The following ALK variants were observed in gnomAD, a reference collection of about 807,000 sequenced individuals.
The protein encoded by ALK is ALK receptor tyrosine kinase.
Under a neutral mutation model 163.1 loss-of-function variants are expected in ALK, and 74 were observed. That is an observed-to-expected ratio of 0.45 (90% CI 0.38 to 0.55). The LOEUF (loss-of-function observed/expected upper bound fraction) is 0.55, where lower values mean the gene tolerates loss of function less well. Among genes scored for constraint, ALK ranks in the 20% least tolerant of loss-of-function variants. ALK has a pLI of 0.00. For missense variants in ALK, 2,063 were observed against 2,105.3 expected (o/e 0.98, Z 0.39); for synonymous variants, 960 against 843.2 (o/e 1.14, Z -2.40).
At chr2:29,229,342 A>G (rs1389522426) in intron 15 of ALK, among the ~76,000 whole-genome samples, 3 of 152,208 alleles carry the variant, frequency 2.0e-5, no homozygotes, top group Non-Finnish European at 4.4e-5. Flanking sequence ...GCTCAAAAGC[A>G]GGGGCTGTGC....
intron 5 of ALK, among the ~76,000 whole-genome samples, chr2:29,349,866 C>A (rs879899718): frequency 2.0e-5 from 3 of 152,236 alleles, no homozygotes; most frequent in African/African-American, 4.8e-5. Context: ...GAACCAGGAC[C>A]TGCTGGGTCC....
At chr2:29,721,698 G>A (rs867358040) in intron 1 of ALK, among the ~76,000 whole-genome samples, 20 of 152,128 alleles carry the variant, frequency 1.3e-4, no homozygotes, top group Non-Finnish European at 1.5e-4. Flanking sequence ...TGCTAGTCTC[G>A]TCTCTTCTCA....
chr2:29,359,288 T>G (rs4146674), intron 5 of ALK, among the ~76,000 whole-genome samples: 119,577 of 152,078 alleles, frequency 0.79, 47,308 homozygotes, highest in East Asian at 0.94. Context: ...TTGAAGAGGG[T>G]ATTATTCAGG....
At chr2:29,723,802 G>A (rs1163081047) in intron 1 of ALK, among the ~76,000 whole-genome samples, 1 of 152,158 alleles carries the variant, frequency 6.6e-6, no homozygotes, top group Non-Finnish European at 1.5e-5. Flanking sequence ...CTCTGTTTTA[G>A]AATCCAAAAT....
intron 3 of ALK, among the ~76,000 whole-genome samples, chr2:29,588,933 T>C (rs911194376): frequency 8.5e-5 from 13 of 152,224 alleles, no homozygotes; most frequent in African/African-American, 3.1e-4. Context: ...CCTTACTGAA[T>C]GCATTGGGTA....
In ALK at chr2:29,792,878, C is replaced by G. The variant is rs1664222113; in HGVS notation, c.668-75181G>C. 2.6e-5 allele frequency among the ~76,000 whole-genome samples: 4 copies of G among 152,250 alleles called. No individual in the cohort carries two copies. In the South Asian group the frequency reaches 8.3e-4, roughly 32 times the overall value. On this transcript the variant is annotated intron_variant, in intron 1 of 28. Coordinates refer to ENST00000389048, the MANE Select transcript of ALK (RefSeq NM_004304.5). The stretch of plus-strand genomic sequence containing the variant: ...ATCTGGGTCTTTGGTGAGTCATAAT[C>G]TTTTTGCTGATGGAGGGTCTTGCCT...
intron 1 of ALK, among the ~76,000 whole-genome samples, chr2:29,827,961 A>G (rs1665247553): frequency 6.6e-6 from 1 of 152,248 alleles, no homozygotes; most frequent in Non-Finnish European, 1.5e-5. Context: ...ACTGGTACCA[A>G]AACAGAGATA....
intron 4 of ALK, among the ~76,000 whole-genome samples, chr2:29,486,455 G>A (rs1671778896): frequency 1.3e-5 from 2 of 152,088 alleles, no homozygotes; most frequent in African/African-American, 2.4e-5. Flanking sequence ...GAACCTTTCT[G>A]ATAATGTTCT....
intron 11 of ALK, among the ~76,000 whole-genome samples, chr2:29,253,838 T>C (rs1664881586): frequency 6.9e-6 from 1 of 144,186 alleles, no homozygotes; most frequent in Admixed American, 7.0e-5. Context: ...AATACATATA[T>C]CTATATTAGA....
chr2:29,692,107 C>A (rs982535823), intron 3 of ALK, among the ~76,000 whole-genome samples: 2 of 152,126 alleles, frequency 1.3e-5, no homozygotes, highest in Admixed American at 6.5e-5. Context: ...TCAGAATCAT[C>A]CAAGAAACTT....
chr2:29,396,505 C>G (rs1042614490), intron 4 of ALK, among the ~76,000 whole-genome samples: 3 of 152,118 alleles, frequency 2.0e-5, no homozygotes, highest in Non-Finnish European at 4.4e-5. Flanking sequence ...GAAACCCTGT[C>G]TCTACTAAAA....
At chr2:29,691,105 C>A (rs1678382018) in intron 3 of ALK, among the ~76,000 whole-genome samples, 1 of 152,200 alleles carries the variant, frequency 6.6e-6, no homozygotes. Flanking sequence ...CAATAGGCTG[C>A]TTCATGAGGA....
chr2:29,571,911 A>G (rs7576267), intron 3 of ALK, among the ~76,000 whole-genome samples: 144,347 of 152,010 alleles, frequency 0.95, 68,937 homozygotes, highest in Non-Finnish European at 1. Flanking sequence ...AGAGCACCCC[A>G]CTGGCAAGTA....
Position 29,595,319 on chromosome 2 carries a change from A to ATTTT in ALK, c.953-63207_953-63204dup, listed in dbSNP as rs10641464. ...TCACTGAGATCTGCTGTCTTACTGG[A>ATTTT]TTTTTTTTTTTTTTTTTTTTTGAGA... On this transcript the variant is annotated intron_variant, in intron 3 of 28. Transcript: ENST00000389048. Among the ~76,000 whole-genome samples the ATTTT allele has an allele frequency of 4.9e-3, 602 of 123,950 alleles. 8 individuals are homozygous for ATTTT. The highest frequency in any genetic ancestry group is 0.02 in the South Asian group (77 of 3,804). 81.3% of individuals were successfully genotyped at this position (123,950 alleles called of 152,430 possible).
chr2:29,351,228 C>T (rs1213666986), intron 5 of ALK, among the ~76,000 whole-genome samples: 1 of 152,086 alleles, frequency 6.6e-6, no homozygotes, highest in East Asian at 1.9e-4. Flanking sequence ...CTTTTGGGAT[C>T]TTATATTTTT....
intron 3 of ALK, among the ~76,000 whole-genome samples, chr2:29,571,912 C>T (rs1238054037): frequency 1.3e-5 from 2 of 152,168 alleles, no homozygotes; most frequent in Non-Finnish European, 2.9e-5. Flanking sequence ...GAGCACCCCA[C>T]TGGCAAGTAC....
At chr2:29,725,305 C>G (rs760624456) in intron 1 of ALK, among the ~76,000 whole-genome samples, 7 of 152,148 alleles carry the variant, frequency 4.6e-5, no homozygotes, top group Non-Finnish European at 8.8e-5. Context: ...TCCCATTACT[C>G]CTTAGTCTCC....
At chr2:29,795,791 G>A (rs1664293391) in intron 1 of ALK, among the ~76,000 whole-genome samples, 1 of 152,018 alleles carries the variant, frequency 6.6e-6, no homozygotes, top group Non-Finnish European at 1.5e-5. Context: ...TATCTTTGGT[G>A]GGTAGTATTA....
At chr2:29,755,224 C>CGCAAAGGG (rs1452580603) in intron 1 of ALK, among the ~76,000 whole-genome samples, 2 of 152,250 alleles carry the variant, frequency 1.3e-5, no homozygotes, top group Non-Finnish European at 2.9e-5. Flanking sequence ...TAGTCAGAAA[C>CGCAAAGGG]ACCTCAACCC....
Sources: allele counts gnomAD v4.1 joint callset (sites outside exome capture counted in the v4.1 genomes callset), GRCh38; gene constraint gnomAD v4.1.1; transcripts MANE v1.5; gene names NCBI Gene and HGNC (gene_info 2026-07-23, HGNC 2026-07-21).